The following IRS1 variants were observed in gnomAD, a reference collection of about 807,000 sequenced individuals.
IRS1 encodes insulin receptor substrate 1.
In IRS1, 34 loss-of-function variants were observed where a neutral mutation model predicts 65.6. The ratio of observed to expected loss-of-function variants is 0.52; its 90% CI spans 0.39 to 0.69. The LOEUF (loss-of-function observed/expected upper bound fraction) is 0.69, where lower values mean the gene tolerates loss of function less well. Ranked by LOEUF, IRS1 falls within the 30% of genes least tolerant of loss-of-function variation. The probability of loss-of-function intolerance (pLI) is 0.00; values close to 1 mark genes in which losing one functional copy is unlikely to be tolerated. For missense variants in IRS1, 1,641 were observed against 1,720.2 expected (o/e 0.95, Z 0.81); for synonymous variants, 699 against 683.5 (o/e 1.02, Z -0.35).
chr2:226,744,046 T>C (rs188959791), intron 1 of IRS1, among the ~76,000 whole-genome samples: 16 of 152,286 alleles, frequency 1.1e-4, no homozygotes, highest in South Asian at 6.2e-4. Context: ...TACCCAATTG[T>C]TTCTCAAGCA....
Position 226,796,234 on chromosome 2 carries a change from C to T in IRS1, c.2505G>A (p.Gln835=), listed in dbSNP as rs1939720092. The part of the protein sequence containing the change: ...LEPSLPHPHH[Q]VLQPHLPRKV... ...TTCGAGGCAGATGGGGCTGCAGAAC[C>T]TGATGGTGGGGATGTGGAAGGCTGG... Residue 835 remains glutamine, a synonymous_variant, in exon 1 of 2, where the codon CAG becomes CAA. Coordinates refer to ENST00000305123, the MANE Select transcript of IRS1 (RefSeq NM_005544.3). 1 of 1,613,352 alleles carries T rather than the reference C, an allele frequency of 6.2e-7. No homozygotes were observed. The highest frequency in any genetic ancestry group is 1.1e-5 in the South Asian group (1 of 91,088).
At chr2:226,782,919 G>A (rs965120368) in intron 1 of IRS1, among the ~76,000 whole-genome samples, 1 of 152,194 alleles carries the variant, frequency 6.6e-6, no homozygotes, top group Non-Finnish European at 1.5e-5. Flanking sequence ...AGAATCGCTG[G>A]AATCCAGGAG....
intron 1 of IRS1, among the ~76,000 whole-genome samples, chr2:226,756,957 T>G: frequency 7.1e-6 from 1 of 139,990 alleles, no homozygotes; most frequent in African/African-American, 2.7e-5. Flanking sequence ...TGAGACTCCG[T>G]CTAATAAATA....
At chr2:226,785,661 T>G (rs999337833) in intron 1 of IRS1, among the ~76,000 whole-genome samples, 4 of 152,144 alleles carry the variant, frequency 2.6e-5, no homozygotes, top group African/African-American at 9.7e-5. Context: ...ATTTGAACAT[T>G]TCCAACTTGA....
rs1438378264 is a variant in IRS1 at position 226,797,565 on chromosome 2, G to C, written c.1174C>G (p.Leu392Val). The C allele has an allele frequency of 1.2e-6, 2 of 1,600,680 alleles. No individual in the cohort carries two copies. Among genetic ancestry groups the C allele is most frequent in the Admixed American group, 3.4e-5 (2 of 59,440 alleles). ...TGGCCACTGGTGCTACTGGACGACA[G>C]ACTGACCGGGCTGGTGGCCGAAGGC... is the stretch of plus-strand genomic sequence containing the variant. ...CSPSATSPVS[L>V]SSSSTSGHGS... Residue 392 changes from leucine (L) to valine (V), a missense_variant, in exon 1 of 2, where the codon CTG becomes GTG. By Grantham distance (32) the Leu-to-Val change is conservative. This residue lies in a region of IRS1 where 1,324 missense variants were observed against 1,361.0 expected (regional missense o/e 0.97). Transcript: ENST00000305123. The surrounding 1 kb of genome is among the most constrained non-coding windows in gnomAD (Gnocchi z 8.1).
At chr2:226,786,565 C>T (rs1218782131) in intron 1 of IRS1, among the ~76,000 whole-genome samples, 2 of 151,050 alleles carry the variant, frequency 1.3e-5, no homozygotes, top group South Asian at 2.1e-4. Context: ...ATAAACAAAA[C>T]CCAGCAGTGA....
intron 1 of IRS1, among the ~76,000 whole-genome samples, chr2:226,745,617 C>T (rs1403914271): frequency 1.3e-5 from 2 of 152,210 alleles, no homozygotes; most frequent in African/African-American, 4.8e-5. Flanking sequence ...GCCCATTTCA[C>T]AGGGTTCTCG....
At chr2:226,792,236 T>C (rs1574662281) in intron 1 of IRS1, 1 of 152,110 alleles carries the variant, frequency 6.6e-6, no homozygotes, top group East Asian at 1.9e-4. Context: ...TGTGTCTTTG[T>C]CAGCTGCAGT....
intron 1 of IRS1, among the ~76,000 whole-genome samples, chr2:226,781,596 GA>G (rs1939383025): frequency 6.6e-6 from 1 of 152,122 alleles, no homozygotes; most frequent in South Asian, 2.1e-4. Context: ...AGCAGGCTTT[GA>G]AGACACAATA....
intron 1 of IRS1, among the ~76,000 whole-genome samples, chr2:226,786,667 CA>C (rs1213423707): frequency 7.1e-5 from 9 of 126,476 alleles, no homozygotes; most frequent in East Asian, 2.4e-4. Context: ...ACAACAACAA[CA>C]AAAAAAAACC....
chr2:226,767,634 C>T (rs945164998), intron 1 of IRS1, among the ~76,000 whole-genome samples: 15 of 152,222 alleles, frequency 9.9e-5, no homozygotes, highest in Non-Finnish European at 1.8e-4. Context: ...GGTGGCAATA[C>T]GCAAAGGGCC....
rs5839180 is a variant in IRS1, at chr2:226,766,163, A to ATTTTTTTTTTTTTTTTTTTT, written c.*21+28825_*21+28826insAAAAAAAAAAAAAAAAAAAA. Among the ~76,000 whole-genome samples the ATTTTTTTTTTTTTTTTTTTT allele has an allele frequency of 4.3e-4, 2 of 4,598 alleles. 1 individual carries two copies. The highest frequency in any genetic ancestry group is 9.5e-4 in the Non-Finnish European group (2 of 2,098). 3.0% of individuals were successfully genotyped at this position (4,598 alleles called of 152,430 possible). A position where few individuals can be genotyped will look rare whatever the true frequency, so the allele number is the denominator to read the frequency against. ...TATATATATATATATATATATATAT[A>ATTTTTTTTTTTTTTTTTTTT]TTTTTTTTTTTTTTTTTTGAGACAG... On this transcript the variant is annotated intron_variant, in intron 1 of 1. Coordinates refer to ENST00000305123, the MANE Select transcript of IRS1 (RefSeq NM_005544.3).
At chr2:226,774,168 G>A (rs16822626) in intron 1 of IRS1, among the ~76,000 whole-genome samples, 11 of 152,064 alleles carry the variant, frequency 7.2e-5, no homozygotes, top group Admixed American at 6.6e-5. Context: ...TTGAGAGTCC[G>A]TTATAGTAAG....
rs569587604 is a variant in IRS1 at position 226,796,061 on chromosome 2, G to A, written c.2678C>T (p.Pro893Leu). ...AAATTCAATATTGACATATTCCCCC[G>A]GGCTCTTGGGCTCTGGAGGGTGCAG... ...PLLHPPEPKS[P>L]GEYVNIEFGS... Residue 893 changes from proline to leucine, a missense_variant, in exon 1 of 2, where the codon CCG becomes CTG. Physicochemically the swap from Pro to Leu is moderately conservative, Grantham distance 98 (BLOSUM62 -3). This residue lies in a region of IRS1 where 1,324 missense variants were observed against 1,361.0 expected (regional missense o/e 0.97). Transcript: ENST00000305123. 1.7e-4 allele frequency: 271 copies of A among 1,613,972 alleles called. No homozygotes were observed. Among genetic ancestry groups the A allele is most frequent in the Non-Finnish European group, 2.2e-4 (258 of 1,180,034 alleles).
chr2:226,740,771 T>G (rs1184965384), intron 1 of IRS1, among the ~76,000 whole-genome samples: 2 of 152,176 alleles, frequency 1.3e-5, no homozygotes, highest in African/African-American at 4.8e-5. Flanking sequence ...TATTTTAAGT[T>G]GCTTGGCCAC....
chr2:226,779,362 T>A (rs1402854320), intron 1 of IRS1, among the ~76,000 whole-genome samples: 2 of 152,250 alleles, frequency 1.3e-5, no homozygotes, highest in African/African-American at 4.8e-5. Context: ...TTCCATATTG[T>A]GCTTTAAAAT....
intron 1 of IRS1, among the ~76,000 whole-genome samples, chr2:226,768,058 G>A (rs544798203): frequency 7.9e-5 from 12 of 152,178 alleles, no homozygotes; most frequent in Admixed American, 4.6e-4. Flanking sequence ...CAGATGCACC[G>A]GAACATAGGA....
rs759651363 is a variant in IRS1, at chr2:226,797,314, G to C, written c.1425C>G (p.Thr475=). ...TGTAGTGACCGTTGGGGGCGGTCAGGGTGGAGGGCCCCTTGCCACCCATGC... is the reference window on the plus strand; with the variant it reads ...TGTAGTGACCGTTGGGGGCGGTCAGCGTGGAGGGCCCCTTGCCACCCATGC... ...YICMGGKGPS[T]LTAPNGHYIL... is the part of the protein sequence containing the mutation. Residue 475 remains threonine (T), a synonymous_variant, in exon 1 of 2, where the codon ACC becomes ACG. Transcript: ENST00000305123. The surrounding 1 kb of genome is among the most constrained non-coding windows in gnomAD (Gnocchi z 8.1). 1 of 1,613,526 alleles carries C rather than the reference G, an allele frequency of 6.2e-7. No homozygotes were observed. Among genetic ancestry groups the C allele is most frequent in the Admixed American group, 1.7e-5 (1 of 60,024 alleles).
chr2:226,760,184 A>C (rs992018943), intron 1 of IRS1, among the ~76,000 whole-genome samples: 3 of 152,198 alleles, frequency 2.0e-5, no homozygotes, highest in African/African-American at 7.2e-5. Flanking sequence ...CAGAAAAAAA[A>C]TAATAATAAT....
Sources: allele counts gnomAD v4.1 joint callset (sites outside exome capture counted in the v4.1 genomes callset), GRCh38; gene constraint gnomAD v4.1.1; regional missense constraint gnomAD v4.1.1; non-coding constraint Gnocchi (gnomAD v3.1); transcripts MANE v1.5; gene names NCBI Gene and HGNC (gene_info 2026-07-23, HGNC 2026-07-21).